PCDHGA2: variants seen among roughly 807,000 people sequenced by gnomAD.
PCDHGA2 encodes protocadherin gamma subfamily A, 2, also known as protocadherin gamma-A2.
A neutral mutation model predicts 59.2 loss-of-function variants in PCDHGA2; 40 were observed. That is an observed-to-expected ratio of 0.68 (90% confidence interval 0.52 to 0.88). The LOEUF (loss-of-function observed/expected upper bound fraction) is 0.88. Ranked by LOEUF, PCDHGA2 falls within the 40% of genes least tolerant of loss-of-function variation. The pLI is 0.00. For missense variants in PCDHGA2, 1,226 were observed against 1,204.0 expected (o/e 1.02, Z -0.27); for synonymous variants, 560 against 526.0 (o/e 1.06, Z -0.89).
chr5:141,407,088 GT>G lies in PCDHGA2; in HGVS notation c.2424+65697del, dbSNP rs571130014. Among the ~76,000 whole-genome samples, 18 of 152,174 alleles carry G rather than the reference GT, an allele frequency of 1.2e-4. No individual in the cohort carries two copies. The East Asian group carries it at 3.5e-3, about 29-fold the overall frequency. On this transcript the variant is annotated intron_variant, in intron 1 of 3. Coordinates refer to ENST00000394576, the MANE Select transcript of PCDHGA2 (RefSeq NM_018915.4). ...GGCATTTCTGTGGAAATGAAGAATT[GT>G]TTTATTTGTTTGTAATTATTTGGGT...
At chr5:141,408,780 A>G (rs1304526612) in intron 1 of PCDHGA2, 1 of 1,612,372 alleles carries the variant, frequency 6.2e-7, no homozygotes, top group Non-Finnish European at 8.5e-7. Flanking sequence ...AAATACCCAG[A>G]GTTATCTCTG....
At position 141,405,211 on chromosome 5, in the gene PCDHGA2, T is replaced by G. The variant is rs756004707; in HGVS notation, c.2424+63816T>G. On this transcript the variant is annotated intron_variant, in intron 1 of 3. Coordinates refer to ENST00000394576, the MANE Select transcript of PCDHGA2 (RefSeq NM_018915.4). ...GGGTTCGAGCTTTCCTACAGACCTA[T>G]TCTCAGGAGTTCTCCCTCACCGCTG... The G allele has an allele frequency of 7.4e-6, 12 of 1,613,432 alleles. No homozygotes were observed. In the South Asian group the frequency reaches 1.2e-4, roughly 16 times the overall value.
At chr5:141,414,409 A>AG in intron 1 of PCDHGA2, 1 of 1,613,870 alleles carries the variant, frequency 6.2e-7, no homozygotes. Flanking sequence ...GGTGATACAC[A>AG]GAGCCCTTGA....
chr5:141,507,101 T>C (rs1341285140), intron 3 of PCDHGA2: 2 of 152,204 alleles, frequency 1.3e-5, no homozygotes, highest in African/African-American at 2.4e-5. Flanking sequence ...CTTTCTACTA[T>C]AGGGACCATG....
intron 1 of PCDHGA2, chr5:141,427,524 C>T (rs1421119651): frequency 1.6e-6 from 1 of 610,726 alleles, no homozygotes; most frequent in South Asian, 1.5e-5. Flanking sequence ...GGAGCGGATC[C>T]CGGAGTACAA....
chr5:141,492,042 A>T, intron 1 of PCDHGA2: 1 of 519,520 alleles, frequency 1.9e-6, no homozygotes, highest in Non-Finnish European at 3.4e-6. Context: ...GCAGTCACAG[A>T]TCCACCCCTG....
At chr5:141,366,901 T>C in intron 1 of PCDHGA2, 1 of 1,189,700 alleles carries the variant, frequency 8.4e-7, no homozygotes, top group Non-Finnish European at 1.2e-6. Flanking sequence ...AATTCATGCT[T>C]TCTCCATTTG....
intron 1 of PCDHGA2, chr5:141,372,158 G>A (rs1466586208): frequency 6.2e-7 from 1 of 1,613,800 alleles, no homozygotes; most frequent in South Asian, 1.1e-5. Flanking sequence ...GCTACCTGGT[G>A]ACCAAGGTGG....
intron 1 of PCDHGA2, chr5:141,350,889 C>G: frequency 6.2e-7 from 1 of 1,614,074 alleles, no homozygotes; most frequent in Non-Finnish European, 8.5e-7. Context: ...TTAATCCTGA[C>G]TGCCATGGAT....
At chr5:141,360,326 G>A (rs1761537998) in intron 1 of PCDHGA2, 4 of 1,613,816 alleles carry the variant, frequency 2.5e-6, no homozygotes, top group Non-Finnish European at 2.5e-6. Flanking sequence ...TTGCCAGCCC[G>A]GAAGCTGCGG....
Position 141,413,476 on chromosome 5 carries a change from G to T in PCDHGA2, c.2424+72081G>T, listed in dbSNP as rs566734719. 2.1e-5 allele frequency: 34 copies of T among 1,614,004 alleles called. No homozygotes were observed. The South Asian group carries it at 3.7e-4, about 18-fold the overall frequency. ...CAGGATAGACCGGGAGGAGCTCTGC[G>T]CTCAGAGCGCGCGGTGCGTGGTGAG... On this transcript the variant is annotated intron_variant, in intron 1 of 3. Coordinates refer to ENST00000394576, the MANE Select transcript of PCDHGA2 (RefSeq NM_018915.4).
At chr5:141,421,351 A>G in intron 1 of PCDHGA2, 2 of 1,613,988 alleles carry the variant, frequency 1.2e-6, no homozygotes, top group Non-Finnish European at 1.7e-6. Flanking sequence ...AGAGACCGAA[A>G]AGGGCTCCTT....
intron 1 of PCDHGA2, chr5:141,399,279 C>G (rs370090713): frequency 1.2e-6 from 2 of 1,613,694 alleles, no homozygotes; most frequent in Non-Finnish European, 1.7e-6. Flanking sequence ...AATTACAAGG[C>G]GAAGTCCCTT....
chr5:141,398,222 A>C, intron 1 of PCDHGA2: 2 of 1,483,320 alleles, frequency 1.3e-6, no homozygotes, highest in Non-Finnish European at 1.8e-6. Flanking sequence ...CTCTGTGAGC[A>C]GATCCGCTAC....
At chr5:141,482,841 G>A (rs1401298303) in intron 1 of PCDHGA2, among the ~76,000 whole-genome samples, 1 of 139,444 alleles carries the variant, frequency 7.2e-6, no homozygotes, top group Non-Finnish European at 1.5e-5. Flanking sequence ...GGAGGCCAAG[G>A]TGGGCAGATC....
intron 1 of PCDHGA2, among the ~76,000 whole-genome samples, chr5:141,449,677 A>G (rs543079734): frequency 6.3e-4 from 96 of 151,362 alleles, no homozygotes; most frequent in Non-Finnish European, 1.1e-3. Flanking sequence ...GTGTATGTAT[A>G]TATGTTTGTG....
At chr5:141,433,295 G>A (rs754784548) in intron 1 of PCDHGA2, 22 of 1,044,006 alleles carry the variant, frequency 2.1e-5, no homozygotes, top group Non-Finnish European at 2.9e-5. Flanking sequence ...CTAGGCTCAA[G>A]CAATTATCCC....
chr5:141,355,846 G>A (rs1176022573), intron 1 of PCDHGA2: 5 of 1,612,248 alleles, frequency 3.1e-6, no homozygotes, highest in Admixed American at 1.7e-5. Flanking sequence ...CACGGCCTTC[G>A]ATGGAGGTGA....
intron 1 of PCDHGA2, chr5:141,345,852 C>G (rs778125915): frequency 1.2e-6 from 2 of 1,613,350 alleles, no homozygotes; most frequent in African/African-American, 2.7e-5. Flanking sequence ...GCTGTCCTAC[C>G]GCCTGCTCAA....
Sources: gnomAD v4.1 joint callset for allele counts (sites outside exome capture counted in the v4.1 genomes callset) on GRCh38, gnomAD v4.1.1 for gene constraint, MANE v1.5 for transcripts, NCBI Gene and HGNC (gene_info 2026-07-23, HGNC 2026-07-21) for gene names.